CPN1: variants seen among roughly 807,000 people sequenced by gnomAD.
CPN1 encodes the protein carboxypeptidase N catalytic chain.
A neutral mutation model predicts 46.4 loss-of-function variants in CPN1; 37 were observed. The observed-to-expected ratio is 0.80, with a 90% CI of 0.61 to 1.05. The LOEUF (loss-of-function observed/expected upper bound fraction) is 1.05, where lower values mean the gene tolerates loss of function less well. CPN1 is among the 50% of genes least tolerant of loss of function. The pLI is 0.00. For missense variants in CPN1, 563 were observed against 602.6 expected (o/e 0.93, Z 0.69); for synonymous variants, 224 against 235.4 (o/e 0.95, Z 0.44).
Position 100,081,443 on chromosome 10 carries a change from G to A in CPN1, c.183C>T (p.Tyr61=), listed in dbSNP as rs890909438. 4 of 1,613,762 alleles carry A rather than the reference G, an allele frequency of 2.5e-6. No homozygotes were observed. The highest frequency in any genetic ancestry group is 1.7e-4 in the Middle Eastern group (1 of 5,758). ...CAGGGTGGTCGCTGAACTCCAGCAC[G>A]TAGAGGTGTCTCCCCTCCACGCTGC... ...IGRSVEGRHL[Y]VLEFSDHPGI... Residue 61 remains tyrosine, a synonymous_variant, in exon 1 of 9, where the codon TAC becomes TAT. Transcript: ENST00000370418.
chr10:100,061,873 G>A (rs1002141449), intron 5 of CPN1, among the ~76,000 whole-genome samples: 3 of 151,992 alleles, frequency 2.0e-5, no homozygotes, highest in African/African-American at 4.8e-5. Context: ...ACAGGGTCTC[G>A]CTCTGCTGCC....
intron 2 of CPN1, among the ~76,000 whole-genome samples, chr10:100,073,872 C>T (rs1211457075): frequency 6.6e-6 from 1 of 152,158 alleles, no homozygotes; most frequent in African/African-American, 2.4e-5. Context: ...ACTTCAGCCT[C>T]CCAAAGTGCT....
intron 1 of CPN1, among the ~76,000 whole-genome samples, chr10:100,078,932 C>T (rs949059078): frequency 3.3e-5 from 5 of 152,350 alleles, no homozygotes; most frequent in Admixed American, 2.0e-4. Flanking sequence ...CGGCTGGAGC[C>T]GCACTGGCCC....
intron 2 of CPN1, among the ~76,000 whole-genome samples, chr10:100,070,628 CAAG>C (rs1415751032): frequency 1.3e-5 from 2 of 152,112 alleles, no homozygotes; most frequent in African/African-American, 2.4e-5. Flanking sequence ...GTCCCCGTCA[CAAG>C]AAGATGAATC....
At chr10:100,068,213 C>CTTT (rs565871714) in intron 3 of CPN1, among the ~76,000 whole-genome samples, 2 of 127,304 alleles carry the variant, frequency 1.6e-5, no homozygotes, top group Non-Finnish European at 3.3e-5. Flanking sequence ...ATTCCCTGAA[C>CTTT]TTTTTTTTTT....
At chr10:100,081,340 A>AT in intron 1 of CPN1, 63 bp downstream of exon 1, 1 of 1,455,178 alleles carries the variant, frequency 6.9e-7, no homozygotes, top group Non-Finnish European at 9.5e-7. Context: ...AACCACTCCA[A>AT]TTACTGGATT....
intron 1 of CPN1, among the ~76,000 whole-genome samples, chr10:100,081,147 A>G (rs998546335): frequency 5.3e-5 from 8 of 152,212 alleles, no homozygotes; most frequent in African/African-American, 1.9e-4. Flanking sequence ...GCAGGGAAGA[A>G]GACTCATCTT....
intron 3 of CPN1, 123 bp from the exon 4 acceptor site, chr10:100,065,493 T>C: frequency 9.9e-7 from 1 of 1,011,334 alleles, no homozygotes; most frequent in Non-Finnish European, 1.5e-6. Flanking sequence ...ACATTGAGCG[T>C]CCTGGCGGAT....
intron 6 of CPN1, among the ~76,000 whole-genome samples, chr10:100,055,815 C>G (rs550904537): frequency 6.6e-6 from 1 of 152,236 alleles, no homozygotes; most frequent in African/African-American, 2.4e-5. Context: ...TGAGCCACCA[C>G]GCCTAGAGAC....
At position 100,048,901 on chromosome 10, in the gene CPN1, A is replaced by G. The variant is rs376306168; in HGVS notation, c.1112-25T>C. ...CCTGAAAGTCACAAAGATATAACTC[A>G]GTCTACTGATTAAAAATCTGTCCCA... On this transcript the variant is annotated intron_variant, in intron 7 of 8. Transcript: ENST00000370418. 14 of 1,536,376 alleles carry G rather than the reference A, an allele frequency of 9.1e-6. No homozygotes were observed. In the South Asian group the frequency reaches 1.2e-4, roughly 13 times the overall value.
At chr10:100,055,885 T>C (rs57538765) in intron 6 of CPN1, among the ~76,000 whole-genome samples, 2,256 of 152,352 alleles carry the variant, frequency 0.015, 54 homozygotes, top group African/African-American at 0.052. Flanking sequence ...CACATTTGTT[T>C]ATACAGTCAT....
At chr10:100,062,744 C>A (rs60859884) in intron 5 of CPN1, among the ~76,000 whole-genome samples, 10,740 of 150,612 alleles carry the variant, frequency 0.071, 639 homozygotes, top group African/African-American at 0.16. Flanking sequence ...CAGGTGTGCA[C>A]CACCATGCCC....
intron 5 of CPN1, 42 bp downstream of exon 5, chr10:100,063,571 AC>A: frequency 7.4e-7 from 1 of 1,348,124 alleles, no homozygotes; most frequent in Non-Finnish European, 1.1e-6. Context: ...AGAAATGAGC[AC>A]TATTCCACTT....
chr10:100,056,703 C>T (rs2041386080), intron 6 of CPN1, among the ~76,000 whole-genome samples: 1 of 150,516 alleles, frequency 6.6e-6, no homozygotes, highest in African/African-American at 2.5e-5. Context: ...GAGCATGCCA[C>T]CATGCTTGGC....
At chr10:100,074,946 T>C (rs1418602432) in intron 2 of CPN1, among the ~76,000 whole-genome samples, 1 of 152,072 alleles carries the variant, frequency 6.6e-6, no homozygotes, top group Non-Finnish European at 1.5e-5. Flanking sequence ...CTAATAATAA[T>C]AAGACAAATG....
chr10:100,066,306 A>G (rs374504525), intron 3 of CPN1, among the ~76,000 whole-genome samples: 2 of 152,158 alleles, frequency 1.3e-5, no homozygotes, highest in Non-Finnish European at 2.9e-5. Context: ...CAGAGCCCCA[A>G]CTTGGCCTCT....
intron 3 of CPN1, among the ~76,000 whole-genome samples, chr10:100,068,218 T>TC (rs1380832601): frequency 2.0e-5 from 3 of 149,208 alleles, no homozygotes; most frequent in Non-Finnish European, 4.5e-5. Context: ...CTGAACTTTT[T>TC]TTTTTTTTTT....
At chr10:100,042,949 C>T (rs1010331869) in intron 8 of CPN1, among the ~76,000 whole-genome samples, 1 of 151,876 alleles carries the variant, frequency 6.6e-6, no homozygotes, top group African/African-American at 2.4e-5. Context: ...AAGAAATTAG[C>T]CAGGTGTGGT....
chr10:100,059,754 G>T (rs1180289897), intron 5 of CPN1, among the ~76,000 whole-genome samples: 3 of 152,072 alleles, frequency 2.0e-5, no homozygotes, highest in African/African-American at 7.2e-5. Flanking sequence ...ATATCCAAAA[G>T]AACAGAAATC....
Sources: gnomAD v4.1 joint callset for allele counts (sites outside exome capture counted in the v4.1 genomes callset) on GRCh38, gnomAD v4.1.1 for gene constraint, MANE v1.5 for transcripts, NCBI Gene and HGNC (gene_info 2026-07-23, HGNC 2026-07-21) for gene names.